The following ASIC2 variants were observed in gnomAD, a reference collection of about 807,000 sequenced individuals.
ASIC2 encodes the protein acid sensing ion channel subunit 2.
ASIC2 carries 25 observed loss-of-function variants against 57.3 expected under a neutral mutation model. The observed-to-expected ratio is 0.44, with a 90% confidence interval of 0.32 to 0.61. The LOEUF (loss-of-function observed/expected upper bound fraction) is 0.61. Among genes scored for constraint, ASIC2 ranks in the 20% least tolerant of loss-of-function variants. The pLI, the probability that ASIC2 is intolerant of heterozygous loss-of-function variation, is 0.06. For missense variants in ASIC2, 641 were observed against 738.1 expected (o/e 0.87, Z 1.52); for synonymous variants, 319 against 307.5 (o/e 1.04, Z -0.39).
At chr17:34,010,446 G>C (rs1216355830) in intron 1 of ASIC2, among the ~76,000 whole-genome samples, 2 of 152,184 alleles carry the variant, frequency 1.3e-5, no homozygotes, top group Non-Finnish European at 2.9e-5. Context: ...AGACCAAAGT[G>C]CAGCTGATTC....
intron 1 of ASIC2, among the ~76,000 whole-genome samples, chr17:33,773,366 C>T (rs562459739): frequency 3.9e-5 from 6 of 152,238 alleles, no homozygotes; most frequent in Admixed American, 6.5e-5. Context: ...TTAAAACCCC[C>T]AAAGGCAGGG....
chr17:33,822,451 C>T (rs1912773764), intron 1 of ASIC2, among the ~76,000 whole-genome samples: 1 of 152,084 alleles, frequency 6.6e-6, no homozygotes, highest in Non-Finnish European at 1.5e-5. Flanking sequence ...CCTATGAATT[C>T]CCCATATTTC....
chr17:33,856,495 G>GC (rs1567736121), intron 1 of ASIC2, among the ~76,000 whole-genome samples: 3 of 21,040 alleles, frequency 1.4e-4, no homozygotes, highest in African/African-American at 2.8e-4. Flanking sequence ...AGTAGTAATA[G>GC]TGTTGTCAGT....
chr17:34,031,891 T>G (rs922183366), intron 1 of ASIC2, among the ~76,000 whole-genome samples: 78 of 152,234 alleles, frequency 5.1e-4, no homozygotes, highest in African/African-American at 9.4e-4. Context: ...TCTGATTGAT[T>G]TACCTGAAAG....
intron 3 of ASIC2, among the ~76,000 whole-genome samples, chr17:33,085,167 G>A (rs920468619): frequency 3.3e-5 from 5 of 152,072 alleles, no homozygotes. Context: ...TACTTCCTAC[G>A]ACTTGTCCCC....
At chr17:33,355,655 A>T (rs1029939992) in intron 1 of ASIC2, among the ~76,000 whole-genome samples, 2 of 152,216 alleles carry the variant, frequency 1.3e-5, no homozygotes, top group African/African-American at 2.4e-5. Context: ...ACAACCCTTG[A>T]TAAATAGTAG....
chr17:34,030,127 T>G (rs1813601985), intron 1 of ASIC2, among the ~76,000 whole-genome samples: 1 of 152,158 alleles, frequency 6.6e-6, no homozygotes, highest in Admixed American at 6.5e-5. Flanking sequence ...TTCAAACACA[T>G]CCTTCAAGGA....
intron 2 of ASIC2, among the ~76,000 whole-genome samples, chr17:33,093,480 C>A (rs114230176): frequency 4.8e-4 from 73 of 152,156 alleles, no homozygotes; most frequent in African/African-American, 1.7e-3. Context: ...CTACTACATA[C>A]ATACTATGTA....
chr17:33,758,511 A>T (rs1910681546), intron 1 of ASIC2, among the ~76,000 whole-genome samples: 1 of 152,168 alleles, frequency 6.6e-6, no homozygotes, highest in Non-Finnish European at 1.5e-5. Flanking sequence ...CTCATGTTAA[A>T]ATATAATCCC....
At chr17:33,364,989 C>A (rs369896725) in intron 1 of ASIC2, among the ~76,000 whole-genome samples, 1 of 152,290 alleles carries the variant, frequency 6.6e-6, no homozygotes, top group African/African-American at 2.4e-5. Context: ...TGCTTAAAAC[C>A]CAGTCATGGG....
intron 1 of ASIC2, among the ~76,000 whole-genome samples, chr17:33,736,193 C>T (rs1909905562): frequency 6.6e-6 from 1 of 151,834 alleles, no homozygotes; most frequent in Non-Finnish European, 1.5e-5. Context: ...AAAGAGGCCA[C>T]CTGGGGAATT....
At chr17:33,398,928 T>C (rs188942474) in intron 1 of ASIC2, among the ~76,000 whole-genome samples, 38 of 152,308 alleles carry the variant, frequency 2.5e-4, no homozygotes, top group African/African-American at 9.1e-4. Flanking sequence ...TGTTTTCCTC[T>C]TTTCTGGGAA....
chr17:33,329,147 G>A (rs1030422186), intron 1 of ASIC2, among the ~76,000 whole-genome samples: 2 of 152,202 alleles, frequency 1.3e-5, no homozygotes, highest in Non-Finnish European at 2.9e-5. Context: ...TAGAGTAGCT[G>A]CAGGTTCAAA....
chr17:33,801,773 G>C (rs1912139919), intron 1 of ASIC2, among the ~76,000 whole-genome samples: 1 of 152,118 alleles, frequency 6.6e-6, no homozygotes, highest in Admixed American at 6.6e-5. Flanking sequence ...CTTAAACTTA[G>C]ATTGATTAAA....
intron 1 of ASIC2, among the ~76,000 whole-genome samples, chr17:33,383,812 G>A (rs563868138): frequency 6.6e-6 from 1 of 152,280 alleles, no homozygotes; most frequent in South Asian, 2.1e-4. Context: ...CAAAATGATC[G>A]CAATAAGCTG....
chr17:33,765,413 G>A (rs1346303326), intron 1 of ASIC2, among the ~76,000 whole-genome samples: 1 of 152,178 alleles, frequency 6.6e-6, no homozygotes, highest in Non-Finnish European at 1.5e-5. Context: ...CGGCGATGGA[G>A]CATAATTGTA....
intron 1 of ASIC2, among the ~76,000 whole-genome samples, chr17:33,783,941 G>A (rs1676966516): frequency 6.6e-6 from 1 of 152,228 alleles, no homozygotes; most frequent in Non-Finnish European, 1.5e-5. Flanking sequence ...ACCGTCTCCA[G>A]AGATGCCCTT....
At chr17:33,567,553 C>A (rs77297482) in intron 1 of ASIC2, among the ~76,000 whole-genome samples, 4,095 of 152,180 alleles carry the variant, frequency 0.027, 61 homozygotes, top group Non-Finnish European at 0.04. Context: ...AACAGTATTC[C>A]AGGCAGGATG....
chr17:34,071,983 G>A (rs1487249263), intron 1 of ASIC2: 3 of 152,320 alleles, frequency 2.0e-5, no homozygotes, highest in African/African-American at 7.2e-5. Flanking sequence ...AACAGGTGGC[G>A]AGAAACAGCA....
Sources: allele counts gnomAD v4.1 joint callset (sites outside exome capture counted in the v4.1 genomes callset), GRCh38; gene constraint gnomAD v4.1.1; transcripts MANE v1.5; gene names NCBI Gene and HGNC (gene_info 2026-07-23, HGNC 2026-07-21).